TASP1: variants seen among roughly 807,000 people sequenced by gnomAD.
The protein encoded by TASP1 is taspase 1.
A neutral mutation model predicts 56.6 loss-of-function variants in TASP1; 16 were observed. The observed-to-expected ratio is 0.28, with a 90% CI of 0.19 to 0.43. The LOEUF is 0.43. Ranked by LOEUF, TASP1 falls within the 20% of genes least tolerant of loss-of-function variation. TASP1 has a pLI of 1.00. For missense variants in TASP1, 393 were observed against 511.6 expected (o/e 0.77, Z 2.24); for synonymous variants, 179 against 184.2 (o/e 0.97, Z 0.23).
At chr20:13,449,415 T>C (rs2043533671) in intron 11 of TASP1, among the ~76,000 whole-genome samples, 1 of 152,164 alleles carries the variant, frequency 6.6e-6, no homozygotes, top group Non-Finnish European at 1.5e-5. Flanking sequence ...TCACTTTTAC[T>C]TTGTGTGGTC....
chr20:13,472,128 A>C (rs2044527093), intron 11 of TASP1, among the ~76,000 whole-genome samples: 1 of 150,996 alleles, frequency 6.6e-6, no homozygotes, highest in South Asian at 2.1e-4. Context: ...ACTGGTGCCA[A>C]AACAGATATA....
the TASP1 span, among the ~76,000 whole-genome samples, chr20:13,220,039 G>A: frequency 6.6e-6 from 1 of 152,110 alleles, no homozygotes; most frequent in Non-Finnish European, 1.5e-5. Flanking sequence ...GCTCCATCCC[G>A]GAGGCACTGG....
chr20:13,294,778 C>T, the TASP1 span, among the ~76,000 whole-genome samples: 3 of 152,186 alleles, frequency 2.0e-5, no homozygotes, highest in African/African-American at 4.8e-5. Flanking sequence ...TTGGGTGCAC[C>T]CTCTAGGTTC....
the TASP1 span, among the ~76,000 whole-genome samples, chr20:13,235,225 T>C: frequency 6.6e-6 from 1 of 152,234 alleles, no homozygotes. Context: ...TCTCCCATTC[T>C]TTTGTGACCA....
At chr20:13,139,438 C>T in the TASP1 span, among the ~76,000 whole-genome samples, 1 of 152,130 alleles carries the variant, frequency 6.6e-6, no homozygotes, top group Non-Finnish European at 1.5e-5. Context: ...TTCTGTTGGG[C>T]AAGACAGTTC....
chr20:13,178,894 C>T, the TASP1 span, among the ~76,000 whole-genome samples: 4,541 of 152,010 alleles, frequency 0.03, 210 homozygotes, highest in African/African-American at 0.1. Context: ...AATAATAATA[C>T]ATCATTTCAA....
chr20:13,319,100 G>C, the TASP1 span, among the ~76,000 whole-genome samples: 85 of 152,286 alleles, frequency 5.6e-4, no homozygotes, highest in African/African-American at 1.8e-3. Context: ...TAGTCAGAGA[G>C]AGTATGTCTC....
the TASP1 span, among the ~76,000 whole-genome samples, chr20:13,189,509 C>T: frequency 3.3e-5 from 5 of 152,124 alleles, no homozygotes; most frequent in Admixed American, 2.6e-4. Context: ...ATAGACACTT[C>T]TCAAAAGAAG....
At chr20:13,379,660 T>C in the TASP1 span, among the ~76,000 whole-genome samples, 1 of 152,220 alleles carries the variant, frequency 6.6e-6, no homozygotes. Flanking sequence ...GATGATATCC[T>C]GAAGAGCGTT....
the TASP1 span, among the ~76,000 whole-genome samples, chr20:13,222,525 T>C: frequency 6.6e-6 from 1 of 151,966 alleles, no homozygotes; most frequent in East Asian, 1.9e-4. Flanking sequence ...CCCTTGGTCA[T>C]GGGGAAGGTG....
the TASP1 span, among the ~76,000 whole-genome samples, chr20:13,317,238 A>T: frequency 6.6e-6 from 1 of 151,932 alleles, no homozygotes; most frequent in South Asian, 2.1e-4. Flanking sequence ...TACATACAAG[A>T]TCTACACCAA....
chr20:13,225,011 AATTTTTTTT>A, the TASP1 span, among the ~76,000 whole-genome samples: 1 of 132,260 alleles, frequency 7.6e-6, no homozygotes, highest in Non-Finnish European at 1.7e-5. Flanking sequence ...ACGCCCGGCT[AATTTTTTTT>A]TTTTTTGTAT....
chr20:13,352,075 A>G, the TASP1 span, among the ~76,000 whole-genome samples: 2 of 152,230 alleles, frequency 1.3e-5, no homozygotes, highest in African/African-American at 4.8e-5. Flanking sequence ...GAGCTTATCC[A>G]ACTTGTGCTG....
the TASP1 span, among the ~76,000 whole-genome samples, chr20:13,321,672 C>G: frequency 6.6e-6 from 1 of 152,206 alleles, no homozygotes; most frequent in Non-Finnish European, 1.5e-5. Flanking sequence ...CAAAGACATG[C>G]TTGTGAAGCT....
chr20:13,467,872 C>T (rs2044324198), intron 11 of TASP1, among the ~76,000 whole-genome samples: 1 of 151,896 alleles, frequency 6.6e-6, no homozygotes, highest in African/African-American at 2.4e-5. Flanking sequence ...CAAAGTTAGC[C>T]AGGCATGGTG....
the TASP1 span, among the ~76,000 whole-genome samples, chr20:13,369,505 G>A: frequency 6.6e-6 from 1 of 152,118 alleles, no homozygotes; most frequent in Admixed American, 6.5e-5. Flanking sequence ...GCCTAGGTGG[G>A]CTTATCTGTA....
At chr20:13,375,516 C>T in the TASP1 span, among the ~76,000 whole-genome samples, 2 of 152,060 alleles carry the variant, frequency 1.3e-5, no homozygotes, top group East Asian at 1.9e-4. Context: ...CAAGTCTTTG[C>T]TGTTGTGAAT....
At chr20:13,139,624 A>G in the TASP1 span, among the ~76,000 whole-genome samples, 1 of 152,190 alleles carries the variant, frequency 6.6e-6, no homozygotes, top group African/African-American at 2.4e-5. Context: ...CATTGTTTGT[A>G]ACTCAGTCAC....
At chr20:13,257,936 C>T in the TASP1 span, among the ~76,000 whole-genome samples, 32,829 of 151,880 alleles carry the variant, frequency 0.22, 4,017 homozygotes, top group East Asian at 0.41. Flanking sequence ...CAGCACCGTA[C>T]AGTGAAAGGA....
Sources: gnomAD v4.1 joint callset for allele counts (sites outside exome capture counted in the v4.1 genomes callset) on GRCh38, gnomAD v4.1.1 for gene constraint, MANE v1.5 for transcripts, NCBI Gene and HGNC (gene_info 2026-07-23, HGNC 2026-07-21) for gene names.